The following RIPOR2 variants were observed in gnomAD, a reference collection of about 807,000 sequenced individuals.
RIPOR2 encodes rho family-interacting cell polarization regulator 2.
RIPOR2 carries 39 observed loss-of-function variants against 114.5 expected under a neutral mutation model. The ratio of observed to expected loss-of-function variants is 0.34; its 90% CI spans 0.26 to 0.44. The LOEUF (loss-of-function observed/expected upper bound fraction) is 0.44, where lower values mean the gene tolerates loss of function less well. Among genes scored for constraint, RIPOR2 ranks in the 20% least tolerant of loss-of-function variants. The pLI, the probability that RIPOR2 is intolerant of heterozygous loss-of-function variation, is 1.00. For synonymous variants in RIPOR2, 445 were observed against 484.4 expected, an observed-to-expected ratio of 0.92 and a Z score of 1.07; for missense variants, 1,007 against 1,255.1, an observed-to-expected ratio of 0.80 and a Z score of 2.99.
intron 1 of RIPOR2, among the ~76,000 whole-genome samples, chr6:24,916,479 G>T (rs1005905757): frequency 2.0e-5 from 3 of 152,164 alleles, no homozygotes; most frequent in African/African-American, 7.2e-5. Flanking sequence ...GAGTGTAGAG[G>T]ATAGCCAATA....
intron 1 of RIPOR2, among the ~76,000 whole-genome samples, chr6:24,903,359 A>C (rs1195269075): frequency 4.6e-5 from 7 of 151,752 alleles, no homozygotes; most frequent in Non-Finnish European, 8.8e-5. Context: ...GAGAACATAA[A>C]CCCCCATCTC....
At chr6:24,863,565 C>T (rs1227508694) in intron 7 of RIPOR2, among the ~76,000 whole-genome samples, 2 of 152,162 alleles carry the variant, frequency 1.3e-5, no homozygotes, top group Non-Finnish European at 2.9e-5. Context: ...AGGACTGCTT[C>T]TAGGCCAGGA....
At chr6:24,900,466 A>G (rs893668446) in intron 1 of RIPOR2, among the ~76,000 whole-genome samples, 1 of 152,232 alleles carries the variant, frequency 6.6e-6, no homozygotes, top group Non-Finnish European at 1.5e-5. Flanking sequence ...GTTTCATTGT[A>G]TGAGAAGCTT....
chr6:24,832,565 A>G (rs1385759792), intron 15 of RIPOR2, among the ~76,000 whole-genome samples, 174 bp from the exon 16 acceptor site: 2 of 152,234 alleles, frequency 1.3e-5, no homozygotes, highest in Non-Finnish European at 2.9e-5. Context: ...TGATGAAATC[A>G]GGCATGTTTT....
At chr6:25,003,801 G>A (rs1016771653) in intron 1 of RIPOR2, among the ~76,000 whole-genome samples, 6 of 152,126 alleles carry the variant, frequency 3.9e-5, no homozygotes, top group Admixed American at 1.3e-4. Flanking sequence ...AGTAGAATGC[G>A]TTCCAGTCTT....
intron 1 of RIPOR2, among the ~76,000 whole-genome samples, chr6:24,901,702 G>A (rs1172766647): frequency 6.6e-6 from 1 of 152,150 alleles, no homozygotes; most frequent in African/African-American, 2.4e-5. Context: ...GTGATTGAAG[G>A]GGGAGGGCAG....
intron 2 of RIPOR2, 77 bp downstream of exon 2, chr6:24,875,614 A>G (rs369553761): frequency 3.4e-6 from 5 of 1,454,794 alleles, no homozygotes; most frequent in East Asian, 2.5e-5. Context: ...GGCTGAATGC[A>G]CACAGACCCT....
intron 21 of RIPOR2, 130 bp from the exon 22 acceptor site, chr6:24,806,603 G>GTTATCT: frequency 1.6e-6 from 1 of 608,602 alleles, no homozygotes; most frequent in Non-Finnish European, 2.8e-6. Flanking sequence ...GTAAGGAAAA[G>GTTATCT]TTATCTTTTG....
chr6:24,983,777 A>AAAAAAAAAAC, intron 1 of RIPOR2, among the ~76,000 whole-genome samples: 1 of 151,208 alleles, frequency 6.6e-6, no homozygotes, highest in African/African-American at 2.4e-5. Context: ...AAAAAAAAAA[A>AAAAAAAAAAC]AAAAGCCTTG....
intron 1 of RIPOR2, among the ~76,000 whole-genome samples, chr6:24,963,577 A>G (rs1275896857): frequency 6.6e-6 from 1 of 152,222 alleles, no homozygotes; most frequent in Non-Finnish European, 1.5e-5. Flanking sequence ...ATACACCAAT[A>G]TGTACATATT....
intron 20 of RIPOR2, among the ~76,000 whole-genome samples, chr6:24,818,209 G>A (rs776956082): frequency 6.6e-5 from 10 of 151,584 alleles, no homozygotes; most frequent in African/African-American, 1.5e-4. Flanking sequence ...GTGATCCACC[G>A]GCCTCGGCCT....
At chr6:25,016,617 G>A (rs912575573) in intron 1 of RIPOR2, among the ~76,000 whole-genome samples, 1 of 152,194 alleles carries the variant, frequency 6.6e-6, no homozygotes, top group Non-Finnish European at 1.5e-5. Flanking sequence ...TAAGTAACTA[G>A]AGATGGAGTT....
At chr6:24,961,957 A>G (rs533141098) in intron 1 of RIPOR2, among the ~76,000 whole-genome samples, 51 of 152,244 alleles carry the variant, frequency 3.3e-4, no homozygotes, top group African/African-American at 1.1e-3. Context: ...TGCTAGCCTG[A>G]GGCAGGTACT....
chr6:24,916,808 G>T (rs1188632010), intron 1 of RIPOR2, among the ~76,000 whole-genome samples: 2 of 152,110 alleles, frequency 1.3e-5, no homozygotes, highest in African/African-American at 4.8e-5. Context: ...CAACACTCTT[G>T]ACATTTTAGT....
chr6:24,992,223 G>A (rs1419753578), intron 1 of RIPOR2, among the ~76,000 whole-genome samples: 1 of 152,172 alleles, frequency 6.6e-6, no homozygotes, highest in African/African-American at 2.4e-5. Flanking sequence ...CTTGGCTTGA[G>A]TGACCTTTAT....
At position 24,830,605 on chromosome 6, in the gene RIPOR2, C is replaced by A. The variant is rs865935758; in HGVS notation, c.2410G>T (p.Gly804Cys). Residue 804 changes from glycine (G) to cysteine (C), a missense_variant, in exon 17 of 22, where the codon GGT becomes TGT. Transcript: ENST00000643898. The part of the protein sequence containing the change: ...SFWTKCCSPV[G>C]VYHSPADRVM... ...CTGTCCGCTGGGCTGTGGTAGACACCAACAGGGCTGCAGCACTTGGTCCAG... is the reference window on the plus strand; with the variant it reads ...CTGTCCGCTGGGCTGTGGTAGACACAAACAGGGCTGCAGCACTTGGTCCAG... The A allele has an allele frequency of 1.3e-6, 2 of 1,551,562 alleles. No homozygotes were observed. The highest frequency in any genetic ancestry group is 1.7e-6 in the Non-Finnish European group (2 of 1,146,986).
intron 1 of RIPOR2, among the ~76,000 whole-genome samples, chr6:24,921,525 C>A (rs750314004): frequency 6.6e-6 from 1 of 152,054 alleles, no homozygotes; most frequent in Non-Finnish European, 1.5e-5. Context: ...CTGGAACACT[C>A]TCCCCAGACC....
chr6:24,846,300 C>CTTTTTTTTTTTTTTTTTTT (rs1562253042), intron 12 of RIPOR2, among the ~76,000 whole-genome samples: 2 of 111,320 alleles, frequency 1.8e-5, no homozygotes, highest in Non-Finnish European at 1.9e-5. Context: ...TTTTCACCTG[C>CTTTTTTTTTTTTTTTTTTT]CTTTTTTTTT....
chr6:25,012,538 G>T (rs1775815508), intron 1 of RIPOR2, among the ~76,000 whole-genome samples: 1 of 152,154 alleles, frequency 6.6e-6, no homozygotes, highest in Non-Finnish European at 1.5e-5. Flanking sequence ...AATATAATTT[G>T]TCTATAAAAA....
Sources: allele counts gnomAD v4.1 joint callset (sites outside exome capture counted in the v4.1 genomes callset), GRCh38; gene constraint gnomAD v4.1.1; transcripts MANE v1.5; gene names NCBI Gene and HGNC (gene_info 2026-07-23, HGNC 2026-07-21).